Variants in FADS6 observed in about 807,000 individuals in gnomAD.
FADS6 encodes the protein fatty acid desaturase domain family, member 6.
In FADS6, 28 loss-of-function variants were observed where a neutral mutation model predicts 31.7. That is an observed-to-expected ratio of 0.88 (90% CI 0.66 to 1.21). The LOEUF (loss-of-function observed/expected upper bound fraction) is 1.21. Among genes scored for constraint, FADS6 ranks in the 50% most tolerant of loss-of-function variants. FADS6 has a pLI of 0.00. For missense variants in FADS6, 494 were observed against 504.2 expected, an observed-to-expected ratio of 0.98 and a Z score of 0.19; for synonymous variants, 191 against 213.1, an observed-to-expected ratio of 0.90 and a Z score of 0.90.
chr17:74,893,565 C>A lies in FADS6; in HGVS notation c.31G>T (p.Glu11Ter). Residue 11 changes from glutamate (E) to a stop codon, truncating the protein, a stop_gained, in exon 1 of 6, where the codon GAG becomes TAG. Coordinates refer to ENST00000612771, the MANE Select transcript of FADS6 (RefSeq NM_178128.6). LOFTEE classifies it high-confidence loss of function. Reference sequence around the variant, plus strand: ...ATGGGCTCCGTAGGTTCCATGGGCTCCGTAGGTTCCATCGGCTCCGTGGGT... The same window carrying A: ...ATGGGCTCCGTAGGTTCCATGGGCTACGTAGGTTCCATCGGCTCCGTGGGT... MEPTEPMEPT[E>*]PMEPTEPMEP... is the part of the protein sequence containing the mutation. The A allele has an allele frequency of 7.2e-7, 1 of 1,381,614 alleles. No individual in the cohort carries two copies. The allele number at this position is 1,381,614 out of a possible 1,614,324, so 85.6% of individuals were successfully genotyped here. A position where few individuals can be genotyped will look rare whatever the true frequency, so the allele number is the denominator to read the frequency against.
At chr17:74,889,640 T>C (rs940540192) in intron 2 of FADS6, among the ~76,000 whole-genome samples, 1 of 149,080 alleles carries the variant, frequency 6.7e-6, no homozygotes, top group Non-Finnish European at 1.5e-5. Flanking sequence ...CCGAGGTGGG[T>C]GGCTCACCTG....
chr17:74,892,411 GC>G (rs2144728278), intron 2 of FADS6, 111 bp downstream of exon 2: 2 of 1,311,140 alleles, frequency 1.5e-6, no homozygotes, highest in South Asian at 1.5e-5. Flanking sequence ...AGCTGCAGCG[GC>G]CTGCCCCCGT....
chr17:74,880,446 C>T (rs2038555704), intron 4 of FADS6, among the ~76,000 whole-genome samples: 1 of 152,086 alleles, frequency 6.6e-6, no homozygotes, highest in African/African-American at 2.4e-5. Flanking sequence ...CCTCTGCCTC[C>T]CGGGTTCAAG....
intron 2 of FADS6, among the ~76,000 whole-genome samples, chr17:74,889,740 G>A (rs1430367162): frequency 2.6e-5 from 4 of 151,298 alleles, no homozygotes; most frequent in Admixed American, 6.6e-5. Flanking sequence ...ACATGGTGGC[G>A]GGTGCCTATA....
Position 74,882,552 on chromosome 17 carries a change from G to A in FADS6, c.570C>T (p.Ile190=), listed in dbSNP as rs371257165. ...CACCGACAGCCACCAGTGGAGTGGC[G>A]ATGGGGAGGAGGAAAGGAGCAAGGA... ...YMFLAPFLLP[I]ATPLVAVERL... Residue 190 remains isoleucine, a synonymous_variant, in exon 3 of 6, where the codon ATC becomes ATT. Transcript: ENST00000612771. The A allele has an allele frequency of 5.8e-5, 93 of 1,611,296 alleles. 1 individual carries two copies. The highest frequency in any genetic ancestry group is 3.3e-4 in the Middle Eastern group (2 of 6,048).
At chr17:74,880,520 A>T (rs571733508) in intron 4 of FADS6, among the ~76,000 whole-genome samples, 1 of 151,890 alleles carries the variant, frequency 6.6e-6, no homozygotes, top group East Asian at 1.9e-4. Context: ...ATGCCCAGCT[A>T]ATTTTTGTGT....
Position 74,879,418 on chromosome 17 carries a change from T to A in FADS6, c.946A>T (p.Asn316Tyr). Residue 316 changes from asparagine (N) to tyrosine (Y), a missense_variant, in exon 5 of 6, where the codon AAC becomes TAC. Asn to Tyr is a moderately radical substitution (Grantham distance 143, BLOSUM62 -2). Transcript: ENST00000612771. ...EHHLFPRLSD[N>Y]MCLKVKPVVS... is the part of the protein sequence containing the mutation. ...CCCTCGACTACCTTCAGGCACATGT[T>A]ATCAGAGAGCCTGGGGAATAGATGG... is the stretch of plus-strand genomic sequence containing the variant. 1 of 1,613,810 alleles carries A rather than the reference T, an allele frequency of 6.2e-7. No individual in the cohort carries two copies. The highest frequency in any genetic ancestry group is 8.5e-7 in the Non-Finnish European group (1 of 1,179,814).
chr17:74,889,061 C>T lies in FADS6; in HGVS notation c.411+3462G>A, dbSNP rs571337075. Among the ~76,000 whole-genome samples, 3 of 152,216 alleles carry T rather than the reference C, an allele frequency of 2.0e-5. No individual in the cohort carries two copies. In the East Asian group the frequency reaches 5.8e-4, roughly 29 times the overall value. ...CCTATGTGGAACACAAATGGGTCTT[C>T]GGAGGTTGGATACTTTAGGAGAGAA... On this transcript the variant is annotated intron_variant, in intron 2 of 5. Coordinates refer to ENST00000612771, the MANE Select transcript of FADS6 (RefSeq NM_178128.6).
chr17:74,886,694 A>G (rs558213579), intron 2 of FADS6, among the ~76,000 whole-genome samples: 1 of 152,270 alleles, frequency 6.6e-6, no homozygotes, highest in East Asian at 1.9e-4. Flanking sequence ...ACCTTTGGCC[A>G]CAAGACCAAG....
At chr17:74,879,349 T>G (rs2038541707) in intron 5 of FADS6, 55 bp downstream of exon 5, 1 of 1,578,794 alleles carries the variant, frequency 6.3e-7, no homozygotes. Context: ...GAATCTTCCT[T>G]TCCATCCTCT....
At chr17:74,881,003 G>A (rs1484746943) in intron 4 of FADS6, 65 bp downstream of exon 4, 4 of 1,497,668 alleles carry the variant, frequency 2.7e-6, no homozygotes, top group South Asian at 1.3e-5. Context: ...AGTCCAGCCT[G>A]TGATCAGGGC....
intron 2 of FADS6, among the ~76,000 whole-genome samples, chr17:74,883,578 C>T (rs922225720): frequency 6.6e-6 from 1 of 152,194 alleles, no homozygotes; most frequent in African/African-American, 2.4e-5. Context: ...TTCACTCGCA[C>T]ACTTCCTGAG....
chr17:74,892,962 T>A (rs2460858), intron 1 of FADS6, among the ~76,000 whole-genome samples: 10,651 of 152,056 alleles, frequency 0.07, 448 homozygotes, highest in Middle Eastern at 0.19. Context: ...ACCATGGGTG[T>A]TCCAGACCAG....
rs1598551060 is a variant in FADS6, at chr17:74,877,726, A to G, written c.*605T>C. 2.0e-6 allele frequency: 2 copies of G among 985,438 alleles called. No individual in the cohort carries two copies. The highest frequency in any genetic ancestry group is 1.7e-5 in the African/African-American group (1 of 57,220). 61.0% of individuals were successfully genotyped at this position (985,438 alleles called of 1,614,324 possible). On this transcript the variant is annotated 3_prime_UTR_variant, in exon 6 of 6. Transcript: ENST00000612771. The stretch of plus-strand genomic sequence containing the variant: ...CTCCCGACAAAACACACTCACTTTT[A>G]TCTTGCTGATACTGTGGCCTGGGGA...
At position 74,878,456 on chromosome 17, in the gene FADS6, A is replaced by G. The variant is rs766614489; in HGVS notation, c.982T>C (p.Phe328Leu). 7 of 1,614,026 alleles carry G rather than the reference A, an allele frequency of 4.3e-6. No individual in the cohort carries two copies. Among genetic ancestry groups the G allele is most frequent in the Non-Finnish European group, 5.9e-6 (7 of 1,179,886 alleles). The change falls in exon 6 of 6, where the codon TTC becomes CTC. Residue 328 changes from phenylalanine to leucine, a missense_variant. By Grantham distance (22) the Phe-to-Leu change is conservative. Transcript: ENST00000612771. Reference sequence around the variant, plus strand: ...TACGGTAGCTGCTTCTCACGTAGGAACTGGGACACCACGGGCTTCACCTGG... The same window carrying G: ...TACGGTAGCTGCTTCTCACGTAGGAGCTGGGACACCACGGGCTTCACCTGG... ...CLKVKPVVSQ[F>L]LREKQLPYNE...
intron 2 of FADS6, among the ~76,000 whole-genome samples, 191 bp downstream of exon 2, chr17:74,892,332 G>A (rs1424405426): frequency 2.6e-5 from 4 of 152,318 alleles, no homozygotes; most frequent in Middle Eastern, 3.4e-3. Context: ...GCAAAGACCC[G>A]CTCAAGGGCT....
At chr17:74,888,853 C>T (rs546960620) in intron 2 of FADS6, among the ~76,000 whole-genome samples, 1 of 152,312 alleles carries the variant, frequency 6.6e-6, no homozygotes, top group East Asian at 1.9e-4. Flanking sequence ...ACACTGCCCC[C>T]AACCTTCCCG....
Position 74,881,183 on chromosome 17 carries a change from T to C in FADS6, c.665A>G (p.His222Arg). The C allele has an allele frequency of 2.5e-6, 4 of 1,612,356 alleles. No homozygotes were observed. Among genetic ancestry groups the C allele is most frequent in the Non-Finnish European group, 3.4e-6 (4 of 1,179,224 alleles). ...LALISLGLYS[H>R]YWLLLNVSGF... is the part of the protein sequence containing the mutation. Reference sequence around the variant, plus strand: ...TGACACGTTCAGGAGCAGCCAGTAGTGAGAATAAAGGCCCAGAGAAATCAG... The same window carrying C: ...TGACACGTTCAGGAGCAGCCAGTAGCGAGAATAAAGGCCCAGAGAAATCAG... Residue 222 changes from histidine to arginine, a missense_variant, in exon 4 of 6, where the codon CAC becomes CGC. By Grantham distance (29) the His-to-Arg change is conservative. Coordinates refer to ENST00000612771, the MANE Select transcript of FADS6 (RefSeq NM_178128.6).
intron 2 of FADS6, among the ~76,000 whole-genome samples, chr17:74,890,927 G>T (rs543731982): frequency 1.3e-5 from 2 of 152,050 alleles, no homozygotes; most frequent in Non-Finnish European, 2.9e-5. Flanking sequence ...ACAGTGGCCC[G>T]AGTCCTCTTC....
Sources: allele counts gnomAD v4.1 joint callset (sites outside exome capture counted in the v4.1 genomes callset), GRCh38; gene constraint gnomAD v4.1.1; transcripts MANE v1.5; gene names NCBI Gene and HGNC (gene_info 2026-07-23, HGNC 2026-07-21).